Variants in LPA observed in about 807,000 individuals in gnomAD.
LPA encodes the protein apolipoprotein(a).
Under a neutral mutation model 197.9 loss-of-function variants are expected in LPA, and 199 were observed. The observed-to-expected ratio is 1.01, with a 90% CI of 0.90 to 1.13. The LOEUF is 1.13. Among genes scored for constraint, LPA ranks in the 50% most tolerant of loss-of-function variants. The probability of loss-of-function intolerance (pLI) is 0.00; values close to 1 mark genes in which losing one functional copy is unlikely to be tolerated. For missense variants in LPA, 1,853 were observed against 1,785.8 expected (o/e 1.04, Z -0.68); for synonymous variants, 715 against 639.5 (o/e 1.12, Z -1.78).
intron 21 of LPA, among the ~76,000 whole-genome samples, 175 bp from the exon 22 acceptor site, chr6:160,594,292 G>T (rs1457567660): frequency 6.6e-6 from 1 of 152,184 alleles, no homozygotes; most frequent in African/African-American, 2.4e-5. Context: ...TAGCATTCTA[G>T]AACTTTAACG....
At chr6:160,611,423 G>T (rs1431646915) in intron 16 of LPA, 139 bp downstream of exon 16, 13 of 1,497,368 alleles carry the variant, frequency 8.7e-6, no homozygotes, top group Non-Finnish European at 1.2e-5. Flanking sequence ...TAGCTCCAAG[G>T]AAATCATCCT....
intron 27 of LPA, among the ~76,000 whole-genome samples, chr6:160,577,855 C>A (rs1350425229): frequency 6.6e-6 from 1 of 152,118 alleles, no homozygotes; most frequent in Non-Finnish European, 1.5e-5. Flanking sequence ...CTTCTAGTGC[C>A]CAGAGTCCTG....
At chr6:160,544,951 C>G (rs1033915561) in intron 33 of LPA, among the ~76,000 whole-genome samples, 7 of 152,148 alleles carry the variant, frequency 4.6e-5, no homozygotes, top group African/African-American at 1.7e-4. Flanking sequence ...GAAAGGCCAT[C>G]TGGGGCTAAA....
rs779419483 is a variant in LPA at position 160,605,181 on chromosome 6, A to G, written c.2810T>C (p.Val937Ala). Residue 937 changes from valine (V) to alanine (A), a missense_variant, in exon 18 of 39, where the codon GTG becomes GCG. Around this residue, in one of 3 missense-constraint regions of LPA, gnomAD observed 1,737 missense variants for 1,504.4 expected, o/e 1.15. Coordinates refer to ENST00000316300, the MANE Select transcript of LPA (RefSeq NM_005577.4). ...TCCATTTCCGTGGTAGCACTCCTGC[A>G]CCCCAGGCCTTTGCTCAGTTGGTGC... ...EQAPTEQRPG[V>A]QECYHGNGQS... 3 of 1,613,768 alleles carry G rather than the reference A, an allele frequency of 1.9e-6. No individual in the cohort carries two copies. The highest frequency in any genetic ancestry group is 2.5e-6 in the Non-Finnish European group (3 of 1,179,900).
intron 33 of LPA, among the ~76,000 whole-genome samples, chr6:160,544,707 T>C (rs1289977071): frequency 6.6e-6 from 1 of 152,194 alleles, no homozygotes; most frequent in Non-Finnish European, 1.5e-5. Context: ...TGGTGTTCTG[T>C]AACTCGGACA....
intron 28 of LPA, 41 bp from the exon 29 acceptor site, chr6:160,557,612 A>C (rs774198361): frequency 6.3e-7 from 1 of 1,577,852 alleles, no homozygotes; most frequent in East Asian, 2.2e-5. Context: ...GAGGCGGGAA[A>C]AAATTCAGGG....
In LPA at chr6:160,601,087, T is replaced by C. The variant is rs1324410943; in HGVS notation, c.2957A>G (p.Lys986Arg). ...AGGATCTGGATTTCGGCAGTAGTTC[T>C]TGATCAAGCCACTGGAAATTCCAAA... ...PAYYPNAGLIKNYCRNPDPVA... is the reference protein window; with the variant it reads ...PAYYPNAGLIRNYCRNPDPVA... The change falls in exon 19 of 39, where the codon AAG becomes AGG. Residue 986 changes from lysine to arginine, a missense_variant. This residue lies in a region of LPA where 1,737 missense variants were observed against 1,504.4 expected (regional missense o/e 1.15). Transcript: ENST00000316300. The C allele has an allele frequency of 5.0e-6, 8 of 1,613,950 alleles. No homozygotes were observed. In the Admixed American group the frequency reaches 6.7e-5, roughly 13 times the overall value.
intron 28 of LPA, among the ~76,000 whole-genome samples, chr6:160,572,205 C>T (rs1778575707): frequency 6.6e-6 from 1 of 152,170 alleles, no homozygotes; most frequent in Non-Finnish European, 1.5e-5. Flanking sequence ...TGGGCTGCAC[C>T]CACTGTCTAA....
intron 37 of LPA, among the ~76,000 whole-genome samples, chr6:160,534,502 G>A (rs145972407): frequency 6.6e-5 from 10 of 152,270 alleles, no homozygotes; most frequent in African/African-American, 2.4e-4. Flanking sequence ...AGTGATTGCA[G>A]ATGAGACTTA....
chr6:160,560,444 T>C (rs957549897), intron 28 of LPA, among the ~76,000 whole-genome samples: 1 of 152,020 alleles, frequency 6.6e-6, no homozygotes, highest in Non-Finnish European at 1.5e-5. Context: ...CACATCCTCT[T>C]CAGCATCTGT....
chr6:160,557,819 A>G lies in LPA; in HGVS notation c.4632-248T>C, dbSNP rs181045890. On this transcript the variant is annotated intron_variant, in intron 28 of 38. Transcript: ENST00000316300. Reference sequence around the variant, plus strand: ...GTCTATGATCCATAAAAAAACTGAGATCATACATAAATGTATACAAGAAAA... The same window carrying G: ...GTCTATGATCCATAAAAAAACTGAGGTCATACATAAATGTATACAAGAAAA... Among the ~76,000 whole-genome samples, 41 of 152,316 alleles carry G rather than the reference A, an allele frequency of 2.7e-4. No homozygotes were observed. The East Asian group carries it at 7.7e-3, about 29-fold the overall frequency.
At chr6:160,602,695 G>A (rs919501855) in intron 18 of LPA, among the ~76,000 whole-genome samples, 6 of 152,090 alleles carry the variant, frequency 3.9e-5, no homozygotes, top group African/African-American at 1.4e-4. Flanking sequence ...ATTAGTTTTT[G>A]GTTTATTTAT....
At chr6:160,599,016 C>A (rs6904684) in intron 20 of LPA, among the ~76,000 whole-genome samples, 107 of 152,258 alleles carry the variant, frequency 7.0e-4, no homozygotes, top group African/African-American at 2.2e-3. Context: ...CCTTCTGCTT[C>A]CATAAAACTA....
intron 28 of LPA, among the ~76,000 whole-genome samples, chr6:160,562,421 C>T (rs1031410874): frequency 6.6e-6 from 1 of 152,196 alleles, no homozygotes; most frequent in African/African-American, 2.4e-5. Flanking sequence ...ATGAAGCCAA[C>T]TTGATCATGG....
intron 1 of LPA, among the ~76,000 whole-genome samples, chr6:160,659,605 A>G (rs1780188786): frequency 6.6e-6 from 1 of 152,196 alleles, no homozygotes; most frequent in South Asian, 2.1e-4. Context: ...CTCAAGCCCA[A>G]GGGCATTAAC....
At chr6:160,610,172 C>T (rs535826466) in intron 16 of LPA, among the ~76,000 whole-genome samples, 1 of 152,208 alleles carries the variant, frequency 6.6e-6, no homozygotes, top group South Asian at 2.1e-4. Context: ...TTCTTTTCTA[C>T]ACGTAGTCAA....
chr6:160,567,808 G>A (rs900395633), intron 28 of LPA, among the ~76,000 whole-genome samples: 2 of 152,062 alleles, frequency 1.3e-5, no homozygotes, highest in African/African-American at 4.8e-5. Context: ...AATGATAAAG[G>A]GGATATCACT....
chr6:160,593,184 G>C (rs1275301852), intron 22 of LPA, among the ~76,000 whole-genome samples: 1 of 152,026 alleles, frequency 6.6e-6, no homozygotes, highest in Non-Finnish European at 1.5e-5. Flanking sequence ...TGGTCAGCTG[G>C]GCTCCATCTG....
chr6:160,588,587 T>C (rs1426289737), intron 24 of LPA, among the ~76,000 whole-genome samples: 1 of 152,194 alleles, frequency 6.6e-6, no homozygotes, highest in Non-Finnish European at 1.5e-5. Flanking sequence ...TCCCTGTGCA[T>C]ACGCAGCTTT....
Sources: gnomAD v4.1 joint callset for allele counts (sites outside exome capture counted in the v4.1 genomes callset) on GRCh38, gnomAD v4.1.1 for gene constraint, gnomAD v4.1.1 regional missense constraint, MANE v1.5 for transcripts, NCBI Gene and HGNC (gene_info 2026-07-23, HGNC 2026-07-21) for gene names.